CADPS: variants seen among roughly 807,000 people sequenced by gnomAD.
CADPS encodes the protein calcium-dependent secretion activator 1.
In CADPS, 57 loss-of-function variants were observed where a neutral mutation model predicts 167.3. The ratio of observed to expected loss-of-function variants is 0.34; its 90% CI spans 0.28 to 0.42. The LOEUF is 0.42. Among genes scored for constraint, CADPS ranks in the 20% least tolerant of loss-of-function variants. The pLI is 1.00. For missense variants in CADPS, 1,414 were observed against 1,738.1 expected (o/e 0.81, Z 3.32); for synonymous variants, 676 against 635.3 (o/e 1.06, Z -0.96).
intron 3 of CADPS, among the ~76,000 whole-genome samples, chr3:62,679,410 C>T (rs552718738): frequency 2.0e-5 from 3 of 152,050 alleles, no homozygotes; most frequent in South Asian, 4.2e-4. Context: ...CAGATACTTC[C>T]TATAGTCCCG....
At chr3:62,440,592 A>G (rs1019639117) in intron 27 of CADPS, 6 of 148,338 alleles carry the variant, frequency 4.0e-5, no homozygotes, top group African/African-American at 7.4e-5. Flanking sequence ...AGAGGAGCCA[A>G]CGTCAAAATA....
Position 62,470,467 on chromosome 3 carries a change from G to A in CADPS, c.3477+3706C>T, listed in dbSNP as rs1265369831. Among the ~76,000 whole-genome samples, 4 of 152,188 alleles carry A rather than the reference G, an allele frequency of 2.6e-5. No homozygotes were observed. In the South Asian group the frequency reaches 8.3e-4, roughly 31 times the overall value. ...TTTAGCAACTCAGCTTTACTTTGGA[G>A]ATGAATATTCCCATTCTACAAAGTG... is the stretch of plus-strand genomic sequence containing the variant. On this transcript the variant is annotated intron_variant, in intron 24 of 29. Transcript: ENST00000383710.
chr3:62,505,507 C>T (rs975179041), intron 17 of CADPS, among the ~76,000 whole-genome samples: 2 of 152,202 alleles, frequency 1.3e-5, no homozygotes, highest in African/African-American at 4.8e-5. Flanking sequence ...CAGGTCTCAT[C>T]ATTTCCACCT....
At chr3:62,591,150 G>A (rs550597023) in intron 7 of CADPS, among the ~76,000 whole-genome samples, 7 of 152,238 alleles carry the variant, frequency 4.6e-5, no homozygotes, top group South Asian at 4.1e-4. Context: ...GAGCCACCGC[G>A]CCTGGCTGAA....
At position 62,753,414 on chromosome 3, in the gene CADPS, T is replaced by C; in HGVS notation, c.888+27A>G. The C allele has an allele frequency of 6.4e-7, 1 of 1,562,200 alleles. No individual in the cohort carries two copies. Among genetic ancestry groups the C allele is most frequent in the Non-Finnish European group, 8.8e-7 (1 of 1,140,686 alleles). ...GAATGCAGCTCTGCTTACCCACAGC[T>C]CTAGGCCCAGGCGAGAAACACCTTA... On this transcript the variant is annotated intron_variant, in intron 3 of 29. Transcript: ENST00000383710. This position sits in a 1 kb window ranked among gnomAD's most constrained non-coding sequence, Gnocchi z 4.6.
chr3:62,428,656 C>T (rs1232929832), intron 28 of CADPS, among the ~76,000 whole-genome samples: 1 of 152,264 alleles, frequency 6.6e-6, no homozygotes, highest in East Asian at 1.9e-4. Context: ...ACATCATACT[C>T]ATCGCGTTTT....
At position 62,501,915 on chromosome 3, in the gene CADPS, G is replaced by A. The variant is rs553817319; in HGVS notation, c.2600-2647C>T. On this transcript the variant is annotated intron_variant, in intron 17 of 29. Transcript: ENST00000383710. Reference sequence around the variant, plus strand: ...ATTCTATGAGTGTGTGCACATGTACGCAGATATGTGTATGCCTGATGTATA... The same window carrying A: ...ATTCTATGAGTGTGTGCACATGTACACAGATATGTGTATGCCTGATGTATA... Among the ~76,000 whole-genome samples, 11 of 152,256 alleles carry A rather than the reference G, an allele frequency of 7.2e-5. No individual in the cohort carries two copies. In the East Asian group the frequency reaches 1.5e-3, roughly 21 times the overall value.
rs550572942 is a variant in CADPS, at chr3:62,415,761, C to A, written c.3778-12576G>T. Among the ~76,000 whole-genome samples the A allele has an allele frequency of 7.9e-5, 12 of 152,270 alleles. No homozygotes were observed. The Middle Eastern group carries it at 0.02, about 259-fold the overall frequency. On this transcript the variant is annotated intron_variant, in intron 28 of 29. Coordinates refer to ENST00000383710, the MANE Select transcript of CADPS (RefSeq NM_003716.4). ...GACTGTGCAAGGGTTCCCCGCTGGGCCTCAGCTGTGCTTGCAATTAGCAAT... is the reference window on the plus strand; with the variant it reads ...GACTGTGCAAGGGTTCCCCGCTGGGACTCAGCTGTGCTTGCAATTAGCAAT...
intron 1 of CADPS, among the ~76,000 whole-genome samples, chr3:62,786,779 A>G (rs181242546): frequency 6.6e-6 from 1 of 152,330 alleles, no homozygotes; most frequent in East Asian, 1.9e-4. Context: ...TTTTAAAGAA[A>G]TTTTCAAAAA....
chr3:62,682,425 T>C (rs1378308147), intron 3 of CADPS, among the ~76,000 whole-genome samples: 1 of 152,072 alleles, frequency 6.6e-6, no homozygotes, highest in African/African-American at 2.4e-5. Context: ...ATGACTGCCT[T>C]GTGTACACCT....
chr3:62,818,965 T>C (rs1027532808), intron 1 of CADPS, among the ~76,000 whole-genome samples: 2 of 151,724 alleles, frequency 1.3e-5, no homozygotes, highest in Non-Finnish European at 2.9e-5. Context: ...TTTATGATAA[T>C]AGGCAAAACT....
At chr3:62,400,570 A>T (rs1457314387) in intron 29 of CADPS, among the ~76,000 whole-genome samples, 1 of 147,910 alleles carries the variant, frequency 6.8e-6, no homozygotes, top group African/African-American at 2.5e-5. Flanking sequence ...ATACGTCAAC[A>T]CCACTCCCAT....
chr3:62,739,315 C>T (rs545147), intron 3 of CADPS, among the ~76,000 whole-genome samples: 56,779 of 151,758 alleles, frequency 0.37, 10,846 homozygotes, highest in South Asian at 0.47. Context: ...ACCAAACCCA[C>T]AGCTGACAAC....
At chr3:62,460,932 G>C (rs1174982772) in intron 26 of CADPS, among the ~76,000 whole-genome samples, 1 of 152,124 alleles carries the variant, frequency 6.6e-6, no homozygotes, top group African/African-American at 2.4e-5. Context: ...GGATTTATTT[G>C]ATCGGAGGAG....
At chr3:62,871,278 T>C (rs1167478825) in intron 1 of CADPS, among the ~76,000 whole-genome samples, 2 of 152,068 alleles carry the variant, frequency 1.3e-5, no homozygotes, top group South Asian at 2.1e-4. Flanking sequence ...TTAAACGACA[T>C]AGTAAAGTTG....
chr3:62,585,107 TTG>T, intron 8 of CADPS, 76 bp downstream of exon 8: 1 of 1,328,060 alleles, frequency 7.5e-7, no homozygotes, highest in Non-Finnish European at 1.1e-6. Flanking sequence ...TCTGAAGATC[TTG>T]TGTTTATTTT....
intron 6 of CADPS, among the ~76,000 whole-genome samples, chr3:62,612,028 A>G (rs927696321): frequency 3.3e-5 from 5 of 152,218 alleles, no homozygotes; most frequent in Non-Finnish European, 5.9e-5. Flanking sequence ...GTCTAGGTCA[A>G]TGTCAGACAC....
At chr3:62,475,074 A>T (rs1161651120) in intron 23 of CADPS, among the ~76,000 whole-genome samples, 1 of 152,236 alleles carries the variant, frequency 6.6e-6, no homozygotes, top group African/African-American at 2.4e-5. Context: ...TTTTATATGT[A>T]CGCTTAATAT....
chr3:62,712,234 G>T (rs1055135813), intron 3 of CADPS, among the ~76,000 whole-genome samples: 4 of 152,088 alleles, frequency 2.6e-5, no homozygotes, highest in African/African-American at 7.2e-5. Flanking sequence ...AAATTCTTGG[G>T]TCAAATGGTA....
Sources: allele counts gnomAD v4.1 joint callset (sites outside exome capture counted in the v4.1 genomes callset), GRCh38; gene constraint gnomAD v4.1.1; non-coding constraint Gnocchi (gnomAD v3.1); transcripts MANE v1.5; gene names NCBI Gene and HGNC (gene_info 2026-07-23, HGNC 2026-07-21).